FOXP1: variants seen among roughly 807,000 people sequenced by gnomAD.
The protein encoded by FOXP1 is forkhead box P1.
FOXP1 carries 15 observed loss-of-function variants against 98.2 expected under a neutral mutation model. That is an observed-to-expected ratio of 0.15 (90% CI 0.10 to 0.24). The LOEUF is 0.24. FOXP1 is among the 10% of genes least tolerant of loss of function. The probability of loss-of-function intolerance (pLI) is 1.00; values close to 1 mark genes in which losing one functional copy is unlikely to be tolerated. For synonymous variants in FOXP1, 371 were observed against 314.5 expected (o/e 1.18, Z -1.90); for missense variants, 633 against 848.5 (o/e 0.75, Z 3.15).
intron 2 of FOXP1, among the ~76,000 whole-genome samples, chr3:71,514,028 G>A (rs1400134041): frequency 6.6e-6 from 1 of 152,158 alleles, no homozygotes; most frequent in Non-Finnish European, 1.5e-5. Flanking sequence ...GCAATTCTGT[G>A]ATTCCCAAAT....
intron 2 of FOXP1, among the ~76,000 whole-genome samples, chr3:71,556,969 G>GCTTA (rs1309021131): frequency 4.9e-4 from 74 of 152,058 alleles, no homozygotes; most frequent in Non-Finnish European, 1.3e-4. Flanking sequence ...TAAAAATCAT[G>GCTTA]CTTACAGAGA....
chr3:71,290,371 A>T (rs1055981243), intron 5 of FOXP1, among the ~76,000 whole-genome samples: 4 of 152,184 alleles, frequency 2.6e-5, no homozygotes, highest in Non-Finnish European at 4.4e-5. Context: ...ACTCCCCATC[A>T]ATTTCACTAG....
At chr3:71,550,014 C>G (rs538373434) in intron 2 of FOXP1, among the ~76,000 whole-genome samples, 1 of 151,970 alleles carries the variant, frequency 6.6e-6, no homozygotes, top group South Asian at 2.1e-4. Context: ...ACTATAACTA[C>G]AAATGTCAGA....
intron 2 of FOXP1, among the ~76,000 whole-genome samples, chr3:71,509,785 G>A (rs1017173021): frequency 1.8e-4 from 27 of 152,186 alleles, no homozygotes; most frequent in African/African-American, 6.3e-4. Flanking sequence ...GGAGGTTGAG[G>A]CAAGAAGATC....
chr3:71,203,794 T>C (rs1249807213), intron 5 of FOXP1, among the ~76,000 whole-genome samples: 1 of 152,110 alleles, frequency 6.6e-6, no homozygotes, highest in Non-Finnish European at 1.5e-5. Context: ...GAAATCACTA[T>C]TAGGAAAATT....
intron 5 of FOXP1, among the ~76,000 whole-genome samples, chr3:71,270,748 G>A (rs2070266304): frequency 2.0e-5 from 3 of 152,182 alleles, no homozygotes; most frequent in Admixed American, 6.5e-5. Flanking sequence ...GTTACCAAGT[G>A]GAGTGGACAC....
chr3:71,063,477 T>C (rs920779466), intron 7 of FOXP1, among the ~76,000 whole-genome samples: 1 of 152,238 alleles, frequency 6.6e-6, no homozygotes, highest in Admixed American at 6.5e-5. Context: ...CCACCTCTGA[T>C]TGCATCTATA....
intron 13 of FOXP1, among the ~76,000 whole-genome samples, chr3:71,000,697 T>C (rs1054260669): frequency 2.0e-5 from 3 of 151,860 alleles, no homozygotes; most frequent in Non-Finnish European, 4.4e-5. Context: ...AAGTGGCCGC[T>C]GAGAGTTGGC....
At chr3:71,354,134 G>A (rs1209828605) in intron 4 of FOXP1, among the ~76,000 whole-genome samples, 3 of 139,258 alleles carry the variant, frequency 2.2e-5, no homozygotes, top group Admixed American at 7.7e-5. Flanking sequence ...GTGAAACCCC[G>A]TCTGTATTAA....
chr3:71,090,315 G>A (rs991274407), intron 7 of FOXP1, among the ~76,000 whole-genome samples: 2 of 152,148 alleles, frequency 1.3e-5, no homozygotes, highest in African/African-American at 4.8e-5. Context: ...TAACAGAGTT[G>A]TCACGATGGC....
chr3:70,993,682 T>G (rs1264016037), intron 13 of FOXP1, among the ~76,000 whole-genome samples: 1 of 152,164 alleles, frequency 6.6e-6, no homozygotes, highest in Middle Eastern at 3.2e-3. Flanking sequence ...TATATTGATT[T>G]CCAAATGTTA....
At chr3:71,169,783 CAAA>C (rs34872916) in intron 6 of FOXP1, among the ~76,000 whole-genome samples, 1 of 82,882 alleles carries the variant, frequency 1.2e-5, no homozygotes, top group Admixed American at 1.4e-4. Context: ...AAATTACTGG[CAAA>C]AAAAAAAAAA....
chr3:71,229,347 A>C (rs2066098179), intron 5 of FOXP1, among the ~76,000 whole-genome samples: 1 of 152,214 alleles, frequency 6.6e-6, no homozygotes, highest in South Asian at 2.1e-4. Context: ...TTAACACAGA[A>C]ATCACTCAGC....
intron 5 of FOXP1, among the ~76,000 whole-genome samples, chr3:71,275,564 T>C (rs2070796555): frequency 6.6e-6 from 1 of 152,250 alleles, no homozygotes. Flanking sequence ...AGTTTTCTGA[T>C]AGGTTCAGAC....
chr3:71,059,850 A>G (rs2051228838), intron 7 of FOXP1, among the ~76,000 whole-genome samples: 1 of 152,184 alleles, frequency 6.6e-6, no homozygotes, highest in Non-Finnish European at 1.5e-5. Context: ...CCTTGGCTAA[A>G]TAAGTTCTCT....
At chr3:71,272,915 C>A (rs551512478) in intron 5 of FOXP1, among the ~76,000 whole-genome samples, 1 of 152,284 alleles carries the variant, frequency 6.6e-6, no homozygotes, top group Admixed American at 6.5e-5. Context: ...ATCTCAAGGC[C>A]ATGGTCTTCC....
At chr3:71,430,831 C>CG (rs1560474981) in intron 3 of FOXP1, among the ~76,000 whole-genome samples, 4 of 152,038 alleles carry the variant, frequency 2.6e-5, no homozygotes, top group South Asian at 2.1e-4. Context: ...GGGGAGGCGG[C>CG]GGGGGGCAGG....
At chr3:71,398,020 T>C (rs2081664290) in intron 3 of FOXP1, among the ~76,000 whole-genome samples, 1 of 152,278 alleles carries the variant, frequency 6.6e-6, no homozygotes, top group South Asian at 2.1e-4. Context: ...CTACCTTCTG[T>C]CCACAGAATA....
chr3:71,183,040 T>C (rs1426503163), intron 6 of FOXP1, among the ~76,000 whole-genome samples: 2 of 152,196 alleles, frequency 1.3e-5, no homozygotes, highest in African/African-American at 4.8e-5. Flanking sequence ...TTTAACCTTC[T>C]TCTAAGGTTA....
Sources: allele counts gnomAD v4.1 joint callset (sites outside exome capture counted in the v4.1 genomes callset), GRCh38; gene constraint gnomAD v4.1.1; transcripts MANE v1.5; gene names NCBI Gene and HGNC (gene_info 2026-07-23, HGNC 2026-07-21).